Variants in HPSE2 observed in about 807,000 individuals in gnomAD.
The protein encoded by HPSE2 is inactive heparanase-2.
Under a neutral mutation model 60.5 loss-of-function variants are expected in HPSE2, and 38 were observed. The ratio of observed to expected loss-of-function variants is 0.63; its 90% CI spans 0.48 to 0.82. HPSE2 has a LOEUF of 0.82. Ranked by LOEUF, HPSE2 falls within the 40% of genes least tolerant of loss-of-function variation. HPSE2 has a pLI of 0.00. For synonymous variants in HPSE2, 295 were observed against 293.2 expected (o/e 1.01, Z -0.06); for missense variants, 713 against 740.4 (o/e 0.96, Z 0.43).
At chr10:98,989,097 A>T (rs1956453391) in intron 3 of HPSE2, among the ~76,000 whole-genome samples, 1 of 152,004 alleles carries the variant, frequency 6.6e-6, no homozygotes, top group South Asian at 2.1e-4. Context: ...GCGATTCCTC[A>T]GGGATCTAGA....
At chr10:98,919,316 C>T (rs1324816775) in intron 3 of HPSE2, among the ~76,000 whole-genome samples, 3 of 152,126 alleles carry the variant, frequency 2.0e-5, no homozygotes, top group Non-Finnish European at 4.4e-5. Flanking sequence ...ATGAAGTTAG[C>T]AAAGTGGACA....
In HPSE2 at chr10:99,155,801, T is replaced by C. The variant is rs1181240607; in HGVS notation, c.449-11402A>G. ...AGACACAAAAAACCCTTCAAAAAATTAATGAATCCAGGAGCTGGTTTTTTG... is the reference window on the plus strand; with the variant it reads ...AGACACAAAAAACCCTTCAAAAAATCAATGAATCCAGGAGCTGGTTTTTTG... On this transcript the variant is annotated intron_variant, in intron 2 of 11. Coordinates refer to ENST00000370552, the MANE Select transcript of HPSE2 (RefSeq NM_021828.5). Among the ~76,000 whole-genome samples the C allele has an allele frequency of 1.2e-3, 182 of 149,208 alleles. 1 individual carries two copies. The highest frequency in any genetic ancestry group is 7.0e-3 in the Middle Eastern group (2 of 286).
intron 3 of HPSE2, among the ~76,000 whole-genome samples, chr10:98,788,787 C>A (rs1289217094): frequency 2.6e-5 from 4 of 151,224 alleles, no homozygotes; most frequent in Non-Finnish European, 4.4e-5. Context: ...GAGGCAATGC[C>A]TCGCCCTGCT....
At chr10:99,089,988 G>A (rs933863080) in intron 3 of HPSE2, among the ~76,000 whole-genome samples, 3 of 152,156 alleles carry the variant, frequency 2.0e-5, no homozygotes, top group African/African-American at 7.2e-5. Flanking sequence ...TGCTGTTGGT[G>A]TATAGCAGGG....
chr10:99,083,611 A>C (rs933338066), intron 3 of HPSE2, among the ~76,000 whole-genome samples: 3 of 152,230 alleles, frequency 2.0e-5, no homozygotes, highest in African/African-American at 7.2e-5. Context: ...ATGGTACCCC[A>C]GATTTACTGC....
At chr10:99,062,815 T>C (rs1842492072) in intron 3 of HPSE2, among the ~76,000 whole-genome samples, 1 of 152,182 alleles carries the variant, frequency 6.6e-6, no homozygotes, top group African/African-American at 2.4e-5. Flanking sequence ...TACAAACACC[T>C]CATATAACCA....
intron 3 of HPSE2, among the ~76,000 whole-genome samples, chr10:98,937,884 G>C (rs1202168550): frequency 2.1e-5 from 3 of 143,344 alleles, no homozygotes; most frequent in African/African-American, 5.7e-5. Flanking sequence ...ACTCCTCTGA[G>C]ACAAAACTTC....
At chr10:98,782,658 T>A (rs1303604433) in intron 3 of HPSE2, among the ~76,000 whole-genome samples, 1 of 84,770 alleles carries the variant, frequency 1.2e-5, no homozygotes, top group Non-Finnish European at 2.5e-5. Context: ...TAAGCCAATG[T>A]AATGTTGATG....
At chr10:98,840,208 A>G (rs971758120) in intron 3 of HPSE2, among the ~76,000 whole-genome samples, 3 of 152,190 alleles carry the variant, frequency 2.0e-5, no homozygotes, top group African/African-American at 4.8e-5. Flanking sequence ...TTTGAGGAAA[A>G]GTGAATTAAT....
the HPSE2 span, among the ~76,000 whole-genome samples, chr10:99,244,899 T>C: frequency 3.3e-5 from 5 of 152,020 alleles, no homozygotes; most frequent in African/African-American, 1.2e-4. Context: ...TTTGGAGTAG[T>C]TTTGTCCCCA....
intron 11 of HPSE2, among the ~76,000 whole-genome samples, chr10:98,462,645 G>A (rs568113593): frequency 5.9e-5 from 9 of 152,192 alleles, no homozygotes; most frequent in South Asian, 4.2e-4. Flanking sequence ...TCTGGATGGC[G>A]TTTTGTTTTC....
At chr10:99,104,486 T>C (rs1240768232) in intron 3 of HPSE2, among the ~76,000 whole-genome samples, 1 of 152,190 alleles carries the variant, frequency 6.6e-6, no homozygotes, top group Admixed American at 6.5e-5. Flanking sequence ...AGTTCAACCA[T>C]TGTGGAAGAC....
intron 3 of HPSE2, among the ~76,000 whole-genome samples, chr10:99,058,444 A>G (rs902950435): frequency 3.3e-5 from 5 of 152,192 alleles, no homozygotes; most frequent in Admixed American, 2.6e-4. Context: ...TTCCTGTACC[A>G]AGGAGCAAAA....
At position 98,641,862 on chromosome 10, in the gene HPSE2, A is replaced by G. The variant is rs753695812; in HGVS notation, c.1083T>C (p.Ile361=). ...TRLLDTLSDQ[I]RKIQKVVNTY... ...TTTTACTCACTTTCTGAATTTTCCT[A>G]ATCTGGTCAGAGAGTGTGTCTAACA... The change falls in exon 7 of 12, where the codon ATT becomes ATC. Residue 361 remains isoleucine, a synonymous_variant. Transcript: ENST00000370552. 6.2e-7 allele frequency: 1 copy of G among 1,613,208 alleles called. No individual in the cohort carries two copies. The highest frequency in any genetic ancestry group is 1.7e-4 in the Middle Eastern group (1 of 6,060).
At chr10:99,208,223 C>T (rs541193603) in intron 2 of HPSE2, among the ~76,000 whole-genome samples, 14 of 151,602 alleles carry the variant, frequency 9.2e-5, no homozygotes, top group African/African-American at 1.5e-4. Flanking sequence ...AGATCAAAAA[C>T]GAATCAAAGC....
intron 8 of HPSE2, among the ~76,000 whole-genome samples, chr10:98,620,302 T>C (rs1946038319): frequency 6.6e-6 from 1 of 152,168 alleles, no homozygotes; most frequent in African/African-American, 2.4e-5. Context: ...GCTTAGAAAA[T>C]GTATGTTGTT....
At chr10:98,895,140 A>G (rs1259335855) in intron 3 of HPSE2, among the ~76,000 whole-genome samples, 1 of 152,152 alleles carries the variant, frequency 6.6e-6, no homozygotes, top group African/African-American at 2.4e-5. Flanking sequence ...CTGAGAGTAA[A>G]CACTGAAATT....
At chr10:99,290,937 A>C in the HPSE2 span, among the ~76,000 whole-genome samples, 1 of 152,202 alleles carries the variant, frequency 6.6e-6, no homozygotes, top group African/African-American at 2.4e-5. Context: ...AAGAAAATTA[A>C]GTCCTAGGGA....
intron 5 of HPSE2, among the ~76,000 whole-genome samples, chr10:98,698,327 T>C (rs1186527268): frequency 6.5e-3 from 936 of 143,890 alleles, no homozygotes; most frequent in African/African-American, 0.02. Context: ...GAACTCAGGA[T>C]TAAGAAACTC....
Sources: allele counts gnomAD v4.1 joint callset (sites outside exome capture counted in the v4.1 genomes callset), GRCh38; gene constraint gnomAD v4.1.1; transcripts MANE v1.5; gene names NCBI Gene and HGNC (gene_info 2026-07-23, HGNC 2026-07-21).